The following ANTXR1 variants were observed in gnomAD, a reference collection of about 807,000 sequenced individuals.
ANTXR1 encodes the protein anthrax toxin receptor 1.
ANTXR1 carries 19 observed loss-of-function variants against 78.1 expected under a neutral mutation model. The ratio of observed to expected loss-of-function variants is 0.24; its 90% CI spans 0.17 to 0.36. The LOEUF is 0.36. Among genes scored for constraint, ANTXR1 ranks in the 10% least tolerant of loss-of-function variants. ANTXR1 has a pLI of 1.00. For missense variants in ANTXR1, 518 were observed against 718.6 expected (o/e 0.72, Z 3.19); for synonymous variants, 273 against 260.5 (o/e 1.05, Z -0.46).
intron 8 of ANTXR1, among the ~76,000 whole-genome samples, chr2:69,078,388 T>C (rs1334006452): frequency 1.3e-5 from 2 of 152,166 alleles, no homozygotes; most frequent in African/African-American, 4.8e-5. Flanking sequence ...AATTCAGAGC[T>C]CAGGGGATCA....
chr2:69,160,608 A>G (rs973219760), intron 13 of ANTXR1, among the ~76,000 whole-genome samples: 2 of 152,262 alleles, frequency 1.3e-5, no homozygotes, highest in Middle Eastern at 3.4e-3. Context: ...AGCATTTCCA[A>G]ACTATGTCAG....
At chr2:69,208,981 C>G (rs1674972696) in intron 17 of ANTXR1, among the ~76,000 whole-genome samples, 1 of 152,174 alleles carries the variant, frequency 6.6e-6, no homozygotes, top group Admixed American at 6.5e-5. Flanking sequence ...CAGCTCACTG[C>G]AGCCCCGACC....
At chr2:69,195,115 T>TG (rs1674638343) in intron 17 of ANTXR1, among the ~76,000 whole-genome samples, 1 of 145,578 alleles carries the variant, frequency 6.9e-6, no homozygotes, top group Non-Finnish European at 1.5e-5. Flanking sequence ...TTGCAGTGAG[T>TG]GGAAATTGCA....
intron 13 of ANTXR1, among the ~76,000 whole-genome samples, chr2:69,166,024 C>T (rs1198554425): frequency 6.6e-6 from 1 of 152,184 alleles, no homozygotes; most frequent in Non-Finnish European, 1.5e-5. Context: ...TTCAACTTCC[C>T]AGGCATGAAA....
intron 12 of ANTXR1, among the ~76,000 whole-genome samples, chr2:69,140,123 A>C (rs1365939163): frequency 6.6e-6 from 1 of 152,218 alleles, no homozygotes; most frequent in Admixed American, 6.5e-5. Context: ...AGTAACATGA[A>C]ATGTCATGAC....
intron 9 of ANTXR1, among the ~76,000 whole-genome samples, chr2:69,099,039 A>G (rs1230907551): frequency 2.0e-5 from 3 of 152,136 alleles, no homozygotes; most frequent in Non-Finnish European, 2.9e-5. Flanking sequence ...TTGTACAACT[A>G]TAATAACTAT....
At chr2:69,025,241 A>T (rs565118130) in intron 1 of ANTXR1, among the ~76,000 whole-genome samples, 11 of 152,236 alleles carry the variant, frequency 7.2e-5, no homozygotes, top group Admixed American at 5.2e-4. Flanking sequence ...GTAAGAAAAA[A>T]AATAATAATA....
At chr2:69,171,535 T>C (rs992985494) in intron 14 of ANTXR1, among the ~76,000 whole-genome samples, 1 of 152,370 alleles carries the variant, frequency 6.6e-6, no homozygotes, top group South Asian at 2.1e-4. Flanking sequence ...ATTAGGACTT[T>C]GTTTGCCTGG....
chr2:69,129,518 T>C (rs186032358), intron 12 of ANTXR1, among the ~76,000 whole-genome samples: 1 of 152,138 alleles, frequency 6.6e-6, no homozygotes, highest in Non-Finnish European at 1.5e-5. Context: ...CTTTCAGAGA[T>C]TGAGGCGGGC....
intron 4 of ANTXR1, 29 bp from the exon 5 acceptor site, chr2:69,071,725 G>A (rs1242337906): frequency 6.2e-7 from 1 of 1,613,300 alleles, no homozygotes. Context: ...GTGGTTATAA[G>A]TCTAAGGGCT....
At chr2:69,034,527 T>C (rs1042024337) in intron 1 of ANTXR1, among the ~76,000 whole-genome samples, 4 of 152,158 alleles carry the variant, frequency 2.6e-5, no homozygotes, top group African/African-American at 7.2e-5. Context: ...TATAATAGCC[T>C]TCAGGGGCTA....
chr2:69,089,463 G>T (rs1671157807), intron 8 of ANTXR1, among the ~76,000 whole-genome samples: 2 of 152,132 alleles, frequency 1.3e-5, no homozygotes, highest in South Asian at 4.1e-4. Flanking sequence ...CTTTTCGTTT[G>T]CTACTAGAAA....
intron 2 of ANTXR1, among the ~76,000 whole-genome samples, 183 bp from the exon 3 acceptor site, chr2:69,044,559 C>G (rs576507896): frequency 1.2e-4 from 18 of 152,220 alleles, no homozygotes; most frequent in African/African-American, 4.3e-4. Flanking sequence ...TCTCTTTGAC[C>G]CACACTTCAA....
chr2:69,087,226 A>G (rs1376540302), intron 8 of ANTXR1, among the ~76,000 whole-genome samples: 3 of 152,214 alleles, frequency 2.0e-5, no homozygotes, highest in Non-Finnish European at 4.4e-5. Flanking sequence ...CTTGATAGTA[A>G]TAGCTACCAT....
chr2:69,056,043 C>G (rs907717300), intron 3 of ANTXR1, among the ~76,000 whole-genome samples: 34 of 152,162 alleles, frequency 2.2e-4, no homozygotes, highest in Middle Eastern at 3.2e-3. Flanking sequence ...ATCACAGATA[C>G]CACCCTTCAC....
intron 1 of ANTXR1, among the ~76,000 whole-genome samples, chr2:69,019,678 G>A (rs1338676581): frequency 6.6e-6 from 1 of 151,972 alleles, no homozygotes; most frequent in African/African-American, 2.4e-5. Flanking sequence ...TTTCATCACC[G>A]AGGTATCAAG....
intron 1 of ANTXR1, among the ~76,000 whole-genome samples, chr2:69,029,046 C>T (rs971604372): frequency 3.4e-5 from 5 of 148,516 alleles, no homozygotes; most frequent in Non-Finnish European, 7.5e-5. Flanking sequence ...TTGAGACCCC[C>T]CCCCCTCCAT....
rs1296641408 is a variant in ANTXR1 at position 69,017,738 on chromosome 2, T to G, written c.152+4087T>G. On this transcript the variant is annotated intron_variant, in intron 1 of 17. Coordinates refer to ENST00000303714, the MANE Select transcript of ANTXR1 (RefSeq NM_032208.3). ...CTGGTTATAGTCAGGAAAAATAGATTGCTGGGAATTCAGTCGGGGATTTGA... is the reference window on the plus strand; with the variant it reads ...CTGGTTATAGTCAGGAAAAATAGATGGCTGGGAATTCAGTCGGGGATTTGA... Among the ~76,000 whole-genome samples the G allele has an allele frequency of 2.6e-5, 4 of 152,174 alleles. No homozygotes were observed. In the East Asian group the frequency reaches 7.7e-4, roughly 29 times the overall value.
At chr2:69,066,297 T>C (rs1288625050) in intron 3 of ANTXR1, among the ~76,000 whole-genome samples, 1 of 152,016 alleles carries the variant, frequency 6.6e-6, no homozygotes, top group African/African-American at 2.4e-5. Context: ...TTTTTCTTTC[T>C]TTTATTTATT....
Sources: gnomAD v4.1 joint callset for allele counts (sites outside exome capture counted in the v4.1 genomes callset) on GRCh38, gnomAD v4.1.1 for gene constraint, MANE v1.5 for transcripts, NCBI Gene and HGNC (gene_info 2026-07-23, HGNC 2026-07-21) for gene names.